Variants in WDR97 observed in about 807,000 individuals in gnomAD.
The protein encoded by WDR97 is WD repeat-containing protein 97.
In WDR97, 111 loss-of-function variants were observed where a neutral mutation model predicts 65.4. That is an observed-to-expected ratio of 1.70 (90% confidence interval 1.45 to 1.99). WDR97 has a LOEUF of 1.99. Among genes scored for constraint, WDR97 ranks in the 30% most tolerant of loss-of-function variants. The pLI, the probability that WDR97 is intolerant of heterozygous loss-of-function variation, is 0.00. For synonymous variants in WDR97, 802 were observed against 397.7 expected (o/e 2.02, Z -12.10); for missense variants, 1,674 against 865.0 (o/e 1.94, Z -11.73).
chr8:144,112,220 C>T lies in WDR97; in HGVS notation c.2896-4C>T. ...GCCACCCTGTGACTCCTCCTATGCCCCAGCTTCTGGCCCGCTCCTCACTGA... is the reference window on the plus strand; with the variant it reads ...GCCACCCTGTGACTCCTCCTATGCCTCAGCTTCTGGCCCGCTCCTCACTGA... On this transcript the variant is annotated splice_region_variant and splice_polypyrimidine_tract_variant and intron_variant, in intron 13 of 23. Transcript: ENST00000323662. 1 of 702,552 alleles carries T rather than the reference C, an allele frequency of 1.4e-6. No homozygotes were observed. Among genetic ancestry groups the T allele is most frequent in the Non-Finnish European group, 2.6e-6 (1 of 384,840 alleles). 43.5% of individuals were successfully genotyped at this position (702,552 alleles called of 1,614,324 possible). A position where few individuals can be genotyped will look rare whatever the true frequency, so the allele number is the denominator to read the frequency against.
rs1030410010 is a variant in WDR97, at chr8:144,111,511, C to T, written c.2487+25C>T. 5 of 700,196 alleles carry T rather than the reference C, an allele frequency of 7.1e-6. No homozygotes were observed. The Admixed American group carries it at 1.0e-4, about 14-fold the overall frequency. 43.4% of individuals were successfully genotyped at this position (700,196 alleles called of 1,614,324 possible). A position where few individuals can be genotyped will look rare whatever the true frequency, so the allele number is the denominator to read the frequency against. ...GGTGGGGTGGGTCCTCCTTAGCCCGCCCTGCCCCGGCTCAGGCCCCAGCCG... is the reference window on the plus strand; with the variant it reads ...GGTGGGGTGGGTCCTCCTTAGCCCGTCCTGCCCCGGCTCAGGCCCCAGCCG... On this transcript the variant is annotated intron_variant, in intron 11 of 23. Transcript: ENST00000323662.
At position 144,108,401 on chromosome 8, in the gene WDR97, C is replaced by T. The variant is rs1443290615; in HGVS notation, c.335C>T (p.Ser112Leu). The T allele has an allele frequency of 4.3e-6, 3 of 698,380 alleles. No homozygotes were observed. The highest frequency in any genetic ancestry group is 1.7e-5 in the African/African-American group (1 of 57,192). 43.3% of individuals were successfully genotyped at this position (698,380 alleles called of 1,614,324 possible). The change falls in exon 3 of 24, where the codon TCG becomes TTG. Residue 112 changes from serine (S) to leucine (L), a missense_variant. Ser to Leu is a moderately radical substitution (Grantham distance 145). Transcript: ENST00000323662. Reference sequence around the variant, plus strand: ...CTGGAGGTGGCAGCCGGGCTGCGCTCGGTGGCGCAGGACCCGGTGGGTGGA... The same window carrying T: ...CTGGAGGTGGCAGCCGGGCTGCGCTTGGTGGCGCAGGACCCGGTGGGTGGA... ...RRLEVAAGLR[S>L]VAQDPVGGRF...
Position 144,116,404 on chromosome 8 carries a change from C to T in WDR97, c.*111C>T. On this transcript the variant is annotated 3_prime_UTR_variant, in exon 24 of 24. Coordinates refer to ENST00000323662, the MANE Select transcript of WDR97 (RefSeq NM_001316309.2). ...ATTTCTTTCTGCAGGATGCCGCCTG[C>T]TTTGGAGGGCCCCGGGGTGCGCACG... is the stretch of plus-strand genomic sequence containing the variant. 2 of 562,008 alleles carry T rather than the reference C, an allele frequency of 3.6e-6. No individual in the cohort carries two copies. Among genetic ancestry groups the T allele is most frequent in the Non-Finnish European group, 6.3e-6 (2 of 317,388 alleles). The allele number at this position is 562,008 out of a possible 1,614,324, so 34.8% of individuals were successfully genotyped here.
At position 144,109,987 on chromosome 8, in the gene WDR97, C is replaced by T. The variant is rs1587624160; in HGVS notation, c.1653C>T (p.Gly551=). The T allele has an allele frequency of 5.7e-6, 4 of 700,834 alleles. No individual in the cohort carries two copies. Among genetic ancestry groups the T allele is most frequent in the East Asian group, 2.7e-5 (1 of 37,242 alleles). 43.4% of individuals were successfully genotyped at this position (700,834 alleles called of 1,614,324 possible). ...SSWEIVRQHW[G]ELRCSSVACA... ...GGGAGATCGTGCGCCAGCACTGGGG[C>T]GAGTTGCGCTGCAGCTCTGTGGCCT... is the stretch of plus-strand genomic sequence containing the variant. The change falls in exon 5 of 24, where the codon GGC becomes GGT. Residue 551 remains glycine (G), a synonymous_variant. Coordinates refer to ENST00000323662, the MANE Select transcript of WDR97 (RefSeq NM_001316309.2).
In WDR97 at chr8:144,116,670, G is replaced by T. The variant is rs948713288; in HGVS notation, c.*377G>T. On this transcript the variant is annotated 3_prime_UTR_variant, in exon 24 of 24. Coordinates refer to ENST00000323662, the MANE Select transcript of WDR97 (RefSeq NM_001316309.2). ...CTGGGCCAGCCCACAGCCTGGTGTG[G>T]AGGGGAGTCCGGGAGGGCCTGGGCG... is the stretch of plus-strand genomic sequence containing the variant. 5.5e-6 allele frequency: 1 copy of T among 182,398 alleles called. No homozygotes were observed. The highest frequency in any genetic ancestry group is 1.4e-4 in the East Asian group (1 of 7,018). 11.3% of individuals were successfully genotyped at this position (182,398 alleles called of 1,614,324 possible). A position where few individuals can be genotyped will look rare whatever the true frequency, so the allele number is the denominator to read the frequency against.
intron 17 of WDR97, 47 bp downstream of exon 17, chr8:144,113,928 A>G: frequency 1.4e-6 from 1 of 692,868 alleles, no homozygotes; most frequent in South Asian, 1.5e-5. Context: ...AGGTGGGCTT[A>G]CACTGAGACC....
At position 144,114,126 on chromosome 8, in the gene WDR97, C is replaced by G. The variant is rs1391720966; in HGVS notation, c.3558C>G (p.Thr1186=). 1 of 702,820 alleles carries G rather than the reference C, an allele frequency of 1.4e-6. No homozygotes were observed. Among genetic ancestry groups the G allele is most frequent in the Non-Finnish European group, 2.6e-6 (1 of 384,980 alleles). 43.5% of individuals were successfully genotyped at this position (702,820 alleles called of 1,614,324 possible). The change falls in exon 18 of 24, where the codon ACC becomes ACG. Residue 1186 remains threonine, a synonymous_variant. Coordinates refer to ENST00000323662, the MANE Select transcript of WDR97 (RefSeq NM_001316309.2). The part of the protein sequence containing the change: ...PKFLHFFIYQ[T]WFKKLFPIFS... ...TTCTGCATTTCTTCATCTACCAGACCTGGTTCAAAAAGTTGTTCCCCATCT... is the reference window on the plus strand; with the variant it reads ...TTCTGCATTTCTTCATCTACCAGACGTGGTTCAAAAAGTTGTTCCCCATCT...
chr8:144,110,453 C>G lies in WDR97; in HGVS notation c.1956C>G (p.Gly652=), dbSNP rs1218370778. The G allele has an allele frequency of 1.6e-5, 11 of 702,914 alleles. No individual in the cohort carries two copies. Among genetic ancestry groups the G allele is most frequent in the Non-Finnish European group, 2.6e-5 (10 of 384,984 alleles). The allele number at this position is 702,914 out of a possible 1,614,324, so 43.5% of individuals were successfully genotyped here. The change falls in exon 7 of 24, where the codon GGC becomes GGG. Residue 652 remains glycine (G), a synonymous_variant. Transcript: ENST00000323662. ...CGGCCGTGGCGCTCTGTGCGCTAGG[C>G]AGACGCGTCACCGCGGGCTTTGAGG... ...CYPAVALCAL[G]RRVTAGFEDP...
chr8:144,107,977 C>G (rs1254390528), intron 1 of WDR97, 82 bp from the exon 2 acceptor site: 1 of 701,142 alleles, frequency 1.4e-6, no homozygotes, highest in East Asian at 2.7e-5. Flanking sequence ...TAGGGCAGGG[C>G]CCCTGGAGGA....
rs989271887 is a variant in WDR97 at position 144,109,413 on chromosome 8, G to A, written c.1079G>A (p.Trp360Ter). Residue 360 changes from tryptophan to a stop codon, truncating the protein, a stop_gained, in exon 5 of 24, where the codon TGG (tryptophan) becomes TAG (stop). Coordinates refer to ENST00000323662, the MANE Select transcript of WDR97 (RefSeq NM_001316309.2). LOFTEE classifies it high-confidence loss of function. ...TCGCAGGACGGGACGCTACGCACCT[G>A]GGACCTGCAGGCGGCGGCGCAGGTG... ...SASQDGTLRTWDLQAAAQVGE... is the reference protein window; with the variant it reads ...SASQDGTLRT 9 of 702,290 alleles carry A rather than the reference G, an allele frequency of 1.3e-5. No homozygotes were observed. In the African/African-American group the frequency reaches 1.6e-4, roughly 12 times the overall value. The allele number at this position is 702,290 out of a possible 1,614,324, so 43.5% of individuals were successfully genotyped here. A position where few individuals can be genotyped will look rare whatever the true frequency, so the allele number is the denominator to read the frequency against.
In WDR97 at chr8:144,107,763, G is replaced by T. The variant is rs769618987; in HGVS notation, c.13G>T (p.Val5Leu). 14 of 702,854 alleles carry T rather than the reference G, an allele frequency of 2.0e-5. No homozygotes were observed. In the South Asian group the frequency reaches 2.1e-4, roughly 10 times the overall value. 43.5% of individuals were successfully genotyped at this position (702,854 alleles called of 1,614,324 possible). MEAE[V>L]WEAEGYNLVL... ...CGCAGTTGCTGAAATGGAGGCAGAG[G>T]TGTGGGAGGCAGAAGGCTACAACCT... Residue 5 changes from valine (V) to leucine (L), a missense_variant, in exon 1 of 24, where the codon GTG (valine) becomes TTG (leucine). Coordinates refer to ENST00000323662, the MANE Select transcript of WDR97 (RefSeq NM_001316309.2).
intron 15 of WDR97, 176 bp downstream of exon 15, chr8:144,112,706 C>T: frequency 6.4e-6 from 4 of 620,210 alleles, no homozygotes; most frequent in South Asian, 5.4e-5. Context: ...TCACCCTTCA[C>T]CCTCTGTCTA....
rs1202632707 is a variant in WDR97 at position 144,109,780 on chromosome 8, C to T, written c.1446C>T (p.Tyr482=). 9.5e-5 allele frequency: 64 copies of T among 672,580 alleles called. 1 individual carries two copies. Among genetic ancestry groups the T allele is most frequent in the Admixed American group, 2.9e-4 (13 of 45,382 alleles). 41.7% of individuals were successfully genotyped at this position (672,580 alleles called of 1,614,324 possible). A position where few individuals can be genotyped will look rare whatever the true frequency, so the allele number is the denominator to read the frequency against. ...EPEDCAAAVA[Y]CLPREALWLL... ...AGGACTGCGCGGCAGCCGTGGCCTA[C>T]TGCCTGCCGCGCGAGGCGCTGTGGC... The change falls in exon 5 of 24, where the codon TAC becomes TAT. Residue 482 remains tyrosine, a synonymous_variant. Coordinates refer to ENST00000323662, the MANE Select transcript of WDR97 (RefSeq NM_001316309.2).
At chr8:144,113,273 C>T (rs1836583732) in intron 15 of WDR97, 167 bp from the exon 16 acceptor site, 2 of 625,078 alleles carry the variant, frequency 3.2e-6, no homozygotes, top group Non-Finnish European at 5.7e-6. Flanking sequence ...GTTCTCCTGC[C>T]ATCTGTGTTG....
Position 144,113,790 on chromosome 8 carries a change from A to G in WDR97, c.3317A>G (p.Glu1106Gly), listed in dbSNP as rs768506782. The G allele has an allele frequency of 1.1e-5, 8 of 702,724 alleles. No homozygotes were observed. The highest frequency in any genetic ancestry group is 3.5e-5 in the African/African-American group (2 of 57,230). 43.5% of individuals were successfully genotyped at this position (702,724 alleles called of 1,614,324 possible). ...EGEEDKKEEE[E>G]EKEDEELDWA... ...GAGGAAGACAAGAAGGAAGAGGAGG[A>G]GGAGAAGGAAGACGAGGAGCTGGAC... Residue 1106 changes from glutamate (E) to glycine (G), a missense_variant, in exon 17 of 24, where the codon GAG becomes GGG. Transcript: ENST00000323662.
rs1836524922 is a variant in WDR97 at position 144,110,502 on chromosome 8, C to T, written c.2005C>T (p.Leu669=). ...GGACCCAGACAGCGCTACCTACGGC[C>T]TGGTGCAGTTTGGCCTGGGCGACAG... ...FEDPDSATYG[L]VQFGLGDSPR... The change falls in exon 7 of 24, where the codon CTG becomes TTG. Residue 669 remains leucine (L), a synonymous_variant. Transcript: ENST00000323662. 1.4e-6 allele frequency: 1 copy of T among 702,990 alleles called. No homozygotes were observed. The allele number at this position is 702,990 out of a possible 1,614,324, so 43.5% of individuals were successfully genotyped here. A position where few individuals can be genotyped will look rare whatever the true frequency, so the allele number is the denominator to read the frequency against.
Position 144,110,868 on chromosome 8 carries a change from C to T in WDR97, c.2176C>T (p.Leu726=), listed in dbSNP as rs1836532825. 1 of 702,772 alleles carries T rather than the reference C, an allele frequency of 1.4e-6. No homozygotes were observed. The highest frequency in any genetic ancestry group is 2.6e-6 in the Non-Finnish European group (1 of 384,980). 43.5% of individuals were successfully genotyped at this position (702,772 alleles called of 1,614,324 possible). ...WTAENRLLRL[L]QLNGAPQALA... ...CTGCCCTGGGTGCCTCTCCAGGCTCCTGCAGCTGAATGGTGCCCCTCAGGC... is the reference window on the plus strand; with the variant it reads ...CTGCCCTGGGTGCCTCTCCAGGCTCTTGCAGCTGAATGGTGCCCCTCAGGC... Residue 726 remains leucine (L), a synonymous_variant, in exon 9 of 24, where the codon CTG becomes TTG. Transcript: ENST00000323662.
At chr8:144,108,034 C>T (rs1416608908) in intron 1 of WDR97, 25 bp from the exon 2 acceptor site, 2 of 702,654 alleles carry the variant, frequency 2.8e-6, no homozygotes, top group Middle Eastern at 2.4e-4. Context: ...CTGTAGGTGG[C>T]AGAACTTCCA....
chr8:144,114,053 G>A lies in WDR97; in HGVS notation c.3485G>A (p.Arg1162His), dbSNP rs1352323205. Residue 1162 changes from arginine (R) to histidine (H), a missense_variant, in exon 18 of 24, where the codon CGT becomes CAT. Transcript: ENST00000323662. ...VARTHPHPWH[R>H]HGSLLLDEHY... is the part of the protein sequence containing the mutation. ...AGGACCCACCCTCATCCCTGGCACCGTCATGGGAGTTTGCTCTTGGATGAG... is the reference window on the plus strand; with the variant it reads ...AGGACCCACCCTCATCCCTGGCACCATCATGGGAGTTTGCTCTTGGATGAG... The A allele has an allele frequency of 2.3e-5, 16 of 702,732 alleles. No individual in the cohort carries two copies. The highest frequency in any genetic ancestry group is 3.5e-5 in the African/African-American group (2 of 57,274). The allele number at this position is 702,732 out of a possible 1,614,324, so 43.5% of individuals were successfully genotyped here.
Sources: allele counts gnomAD v4.1 joint callset, GRCh38; gene constraint gnomAD v4.1.1; transcripts MANE v1.5; gene names NCBI Gene and HGNC (gene_info 2026-07-23, HGNC 2026-07-21).